Variants in COBL observed in about 807,000 individuals in gnomAD.
COBL encodes the protein cordon-bleu WH2 repeat protein, also known as protein cordon-bleu.
In COBL, 51 loss-of-function variants were observed where a neutral mutation model predicts 98.8. The ratio of observed to expected loss-of-function variants is 0.52; its 90% confidence interval spans 0.41 to 0.65. The LOEUF (loss-of-function observed/expected upper bound fraction) is 0.65, where lower values mean the gene tolerates loss of function less well. Among genes scored for constraint, COBL ranks in the 30% least tolerant of loss-of-function variants. The probability of loss-of-function intolerance (pLI) is 0.00; values close to 1 mark genes in which losing one functional copy is unlikely to be tolerated. For missense variants in COBL, 1,617 were observed against 1,617.5 expected, an observed-to-expected ratio of 1.00 and a Z score of 0.01; for synonymous variants, 634 against 651.7, an observed-to-expected ratio of 0.97 and a Z score of 0.41.
At chr7:51,213,587 A>T (rs1214174608) in intron 2 of COBL, among the ~76,000 whole-genome samples, 1 of 152,150 alleles carries the variant, frequency 6.6e-6, no homozygotes, top group Non-Finnish European at 1.5e-5. Context: ...AAAAAGGGTC[A>T]GTGTGGAGAC....
intron 8 of COBL, chr7:51,035,850 G>A (rs913986061): frequency 6.6e-6 from 1 of 152,172 alleles, no homozygotes; most frequent in South Asian, 2.1e-4. Flanking sequence ...TCTCACATGT[G>A]TTTTAAACAC....
chr7:51,066,483 C>A (rs571076421), intron 7 of COBL, among the ~76,000 whole-genome samples: 84 of 152,324 alleles, frequency 5.5e-4, no homozygotes, highest in Middle Eastern at 3.4e-3. Flanking sequence ...TGGGACCAGA[C>A]TGGCAAGGTT....
intron 5 of COBL, among the ~76,000 whole-genome samples, chr7:51,153,830 C>T (rs1168265745): frequency 3.9e-5 from 6 of 152,172 alleles, no homozygotes; most frequent in Non-Finnish European, 5.9e-5. Flanking sequence ...TGTCACGCAG[C>T]GGCCAGCTAA....
intron 7 of COBL, among the ~76,000 whole-genome samples, chr7:51,084,099 T>A (rs1793956375): frequency 6.6e-6 from 1 of 152,152 alleles, no homozygotes; most frequent in Admixed American, 6.5e-5. Flanking sequence ...TGACATGGAA[T>A]ACAGGTTATT....
intron 1 of COBL, among the ~76,000 whole-genome samples, chr7:51,274,189 G>A (rs368715427): frequency 6.6e-6 from 1 of 152,164 alleles, no homozygotes; most frequent in African/African-American, 2.4e-5. Context: ...CCACACGGTA[G>A]ACACACAGCA....
At chr7:51,032,913 A>G (rs1322286513) in intron 8 of COBL, 1 of 152,220 alleles carries the variant, frequency 6.6e-6, no homozygotes, top group African/African-American at 2.4e-5. Flanking sequence ...GAAAGATGGA[A>G]AACTTTTTAA....
chr7:51,191,160 G>A, intron 3 of COBL, 82 bp from the exon 4 acceptor site: 1 of 1,252,232 alleles, frequency 8.0e-7, no homozygotes, highest in Non-Finnish European at 1.1e-6. Context: ...TGACAATTGG[G>A]TGTGGCAGGA....
At position 51,028,316 on chromosome 7, in the gene COBL, T is replaced by C. The variant is rs1343747101; in HGVS notation, c.2780A>G (p.Asp927Gly). The change falls in exon 10 of 13, where the codon GAT becomes GGT. Residue 927 changes from aspartate to glycine, a missense_variant. Physicochemically the swap from Asp to Gly is moderately conservative, Grantham distance 94 (BLOSUM62 -1). Coordinates refer to ENST00000265136, the MANE Select transcript of COBL (RefSeq NM_015198.5). ...AGTGACACAGGGCCACTGGGCACCA[T>C]CCTTCCATCCTTGTGTCTCTGAGTG... ...SPHSETQGWK[D>G]GAQWPCVTPP... 3 of 1,614,252 alleles carry C rather than the reference T, an allele frequency of 1.9e-6. No individual in the cohort carries two copies. The highest frequency in any genetic ancestry group is 3.3e-5 in the Admixed American group (2 of 60,036).
rs555412694 is a variant in COBL at position 51,208,115 on chromosome 7, G to A, written c.245+11626C>T. On this transcript the variant is annotated intron_variant, in intron 2 of 12. Coordinates refer to ENST00000265136, the MANE Select transcript of COBL (RefSeq NM_015198.5). ...TGGAATGTGAGGAGCGCCTCTGCCC[G>A]GCCGTGACCCCGTCTGGGAGGTGAG... 9.9e-5 allele frequency among the ~76,000 whole-genome samples: 15 copies of A among 151,398 alleles called. No homozygotes were observed. In the South Asian group the frequency reaches 1.0e-3, roughly 11 times the overall value.
At chr7:51,092,760 C>A (rs771803255) in intron 6 of COBL, among the ~76,000 whole-genome samples, 1 of 152,070 alleles carries the variant, frequency 6.6e-6, no homozygotes, top group Non-Finnish European at 1.5e-5. Flanking sequence ...GATTTGGATT[C>A]TTTTCTGGTT....
chr7:51,122,844 T>C (rs1390634443), intron 6 of COBL, among the ~76,000 whole-genome samples: 5 of 152,038 alleles, frequency 3.3e-5, no homozygotes, highest in Non-Finnish European at 7.4e-5. Context: ...CAGGGCATGG[T>C]GGCGCATGGC....
Position 51,283,635 on chromosome 7 carries a change from C to G in COBL, c.41+32958G>C, listed in dbSNP as rs911650670. Among the ~76,000 whole-genome samples the G allele has an allele frequency of 2.0e-5, 3 of 151,996 alleles. No homozygotes were observed. In the East Asian group the frequency reaches 5.8e-4, roughly 29 times the overall value. On this transcript the variant is annotated intron_variant, in intron 1 of 12. Transcript: ENST00000265136. ...GAGTAGCTGGGATTACATGTGCGCA[C>G]CACCACGCCCAGCTAATTTTTGTAT...
At chr7:51,304,738 T>C (rs1458602277) in intron 1 of COBL, among the ~76,000 whole-genome samples, 2 of 151,756 alleles carry the variant, frequency 1.3e-5, no homozygotes, top group Non-Finnish European at 2.9e-5. Flanking sequence ...GAAAAATAAT[T>C]GGAAAAAAAA....
At chr7:51,126,857 C>T (rs1459029559) in intron 6 of COBL, among the ~76,000 whole-genome samples, 2 of 152,124 alleles carry the variant, frequency 1.3e-5, no homozygotes, top group Non-Finnish European at 2.9e-5. Flanking sequence ...AAGGTGCTCC[C>T]CCTCTTCAGT....
At chr7:51,136,764 T>G (rs1307357678) in intron 5 of COBL, among the ~76,000 whole-genome samples, 1 of 152,196 alleles carries the variant, frequency 6.6e-6, no homozygotes, top group Admixed American at 6.5e-5. Flanking sequence ...TTGGTCATCT[T>G]GGGAAGTACT....
intron 7 of COBL, among the ~76,000 whole-genome samples, chr7:51,050,656 T>C (rs1790148734): frequency 6.6e-6 from 1 of 152,216 alleles, no homozygotes; most frequent in Non-Finnish European, 1.5e-5. Context: ...GGTACAAGTT[T>C]TGGATAAATG....
intron 5 of COBL, among the ~76,000 whole-genome samples, chr7:51,160,065 T>C (rs1376483856): frequency 1.3e-5 from 2 of 152,128 alleles, no homozygotes; most frequent in Non-Finnish European, 2.9e-5. Flanking sequence ...GCTAATTTTG[T>C]ATTTTTAGTA....
At chr7:51,099,406 A>G (rs570393600) in intron 6 of COBL, among the ~76,000 whole-genome samples, 1 of 152,236 alleles carries the variant, frequency 6.6e-6, no homozygotes, top group Non-Finnish European at 1.5e-5. Flanking sequence ...GTCTATACAC[A>G]GAGTGGAACA....
At chr7:51,053,734 C>A (rs1005243873) in intron 7 of COBL, among the ~76,000 whole-genome samples, 1 of 152,218 alleles carries the variant, frequency 6.6e-6, no homozygotes, top group Non-Finnish European at 1.5e-5. Context: ...GGCACAGGGC[C>A]CCTCGGCCGG....
Sources: gnomAD v4.1 joint callset for allele counts (sites outside exome capture counted in the v4.1 genomes callset) on GRCh38, gnomAD v4.1.1 for gene constraint, MANE v1.5 for transcripts, NCBI Gene and HGNC (gene_info 2026-07-23, HGNC 2026-07-21) for gene names.